PDXK: variants seen among roughly 807,000 people sequenced by gnomAD.
The protein encoded by PDXK is epididymis secretory sperm binding protein Li 1a.
A neutral mutation model predicts 43.2 loss-of-function variants in PDXK; 15 were observed. That is an observed-to-expected ratio of 0.35 (90% CI 0.23 to 0.53). PDXK has a LOEUF of 0.53. Ranked by LOEUF, PDXK falls within the 20% of genes least tolerant of loss-of-function variation. The pLI is 0.92. For synonymous variants in PDXK, 172 were observed against 165.4 expected (o/e 1.04, Z -0.31); for missense variants, 343 against 417.0 (o/e 0.82, Z 1.54).
intron 1 of PDXK, among the ~76,000 whole-genome samples, chr21:43,727,345 C>T (rs553023478): frequency 1.3e-4 from 20 of 151,110 alleles, no homozygotes; most frequent in East Asian, 7.9e-4. Flanking sequence ...TGCAATCAGC[C>T]GAGGAGGGGC....
intron 3 of PDXK, among the ~76,000 whole-genome samples, chr21:43,743,446 C>T (rs13048873): frequency 2.9e-5 from 2 of 68,538 alleles, no homozygotes; most frequent in Non-Finnish European, 5.9e-5. Context: ...GACACCTCGC[C>T]TGCACCCACC....
intron 1 of PDXK, among the ~76,000 whole-genome samples, chr21:43,720,242 G>T (rs1277381579): frequency 6.6e-6 from 1 of 152,192 alleles, no homozygotes; most frequent in Non-Finnish European, 1.5e-5. Context: ...AGGGCTGGGG[G>T]TGCCCTGCCG....
In PDXK at chr21:43,732,272, G is replaced by T. The variant is rs2083328630; in HGVS notation, c.88-1797G>T. On this transcript the variant is annotated intron_variant, in intron 1 of 10. Transcript: ENST00000291565. This position sits in a 1 kb window ranked among gnomAD's most constrained non-coding sequence, Gnocchi z 4.1. Reference sequence around the variant, plus strand: ...AGCTGAAGGACATGTGTAACAGCAGGAGATACCTTTCTCTGGGGTCCCAGG... The same window carrying T: ...AGCTGAAGGACATGTGTAACAGCAGTAGATACCTTTCTCTGGGGTCCCAGG... The T allele has an allele frequency of 2.0e-6, 3 of 1,534,464 alleles. No individual in the cohort carries two copies. Among genetic ancestry groups the T allele is most frequent in the Non-Finnish European group, 2.6e-6 (3 of 1,143,814 alleles).
intron 2 of PDXK, among the ~76,000 whole-genome samples, chr21:43,739,965 C>A (rs2083465986): frequency 6.6e-6 from 1 of 151,840 alleles, no homozygotes; most frequent in African/African-American, 2.4e-5. Flanking sequence ...GGGCAGGCTG[C>A]TGTGTGAGGC....
intron 1 of PDXK, among the ~76,000 whole-genome samples, chr21:43,725,108 G>T (rs2083240621): frequency 6.6e-6 from 1 of 152,144 alleles, no homozygotes; most frequent in Non-Finnish European, 1.5e-5. Flanking sequence ...CGGATCACAA[G>T]ATCAGGAGAT....
intron 1 of PDXK, chr21:43,733,853 C>A: frequency 1.5e-6 from 1 of 661,614 alleles, no homozygotes; most frequent in Non-Finnish European, 2.5e-6. Flanking sequence ...GAGAGGGAAG[C>A]CCAGCTCCAG....
chr21:43,737,119 G>A lies in PDXK; in HGVS notation c.142+2996G>A. The A allele has an allele frequency of 8.9e-7, 1 of 1,120,410 alleles. No individual in the cohort carries two copies. The highest frequency in any genetic ancestry group is 1.3e-6 in the Non-Finnish European group (1 of 771,696). 69.4% of individuals were successfully genotyped at this position (1,120,410 alleles called of 1,614,324 possible). On this transcript the variant is annotated intron_variant, in intron 2 of 10. Coordinates refer to ENST00000291565, the MANE Select transcript of PDXK (RefSeq NM_003681.5). This position sits in a 1 kb window ranked among gnomAD's most constrained non-coding sequence, Gnocchi z 4.8. ...ACCTCCTGCCCAGGGTTGTTACTGGGGTGGTCACGTGGGCAGCTTCTGCCT... is the reference window on the plus strand; with the variant it reads ...ACCTCCTGCCCAGGGTTGTTACTGGAGTGGTCACGTGGGCAGCTTCTGCCT...
At chr21:43,719,959 AG>A in intron 1 of PDXK, 2 of 976,084 alleles carry the variant, frequency 2.0e-6, no homozygotes, top group Non-Finnish European at 2.4e-6. Context: ...CGAAGGGAAG[AG>A]GGTGGGGCAG....
At chr21:43,752,686 C>A in intron 8 of PDXK, 57 bp downstream of exon 8, 1 of 1,065,016 alleles carries the variant, frequency 9.4e-7, no homozygotes, top group South Asian at 1.3e-5. Flanking sequence ...GGAAGGTGTT[C>A]TTTGGGGCTG....
chr21:43,747,726 G>A lies in PDXK; in HGVS notation c.379-1269G>A, dbSNP rs553310522. Among the ~76,000 whole-genome samples, 40 of 152,344 alleles carry A rather than the reference G, an allele frequency of 2.6e-4. 1 individual carries two copies. The South Asian group carries it at 6.2e-3, about 24-fold the overall frequency. On this transcript the variant is annotated intron_variant, in intron 5 of 10. Coordinates refer to ENST00000291565, the MANE Select transcript of PDXK (RefSeq NM_003681.5). Reference sequence around the variant, plus strand: ...TTGGGGCCACTGTCCAGTTCAGTGCGGCTACGGGATCTGGCCCCTCGATTT... The same window carrying A: ...TTGGGGCCACTGTCCAGTTCAGTGCAGCTACGGGATCTGGCCCCTCGATTT...
chr21:43,720,374 T>G (rs1297127468), intron 1 of PDXK, among the ~76,000 whole-genome samples: 2 of 152,054 alleles, frequency 1.3e-5, no homozygotes, highest in African/African-American at 4.8e-5. Flanking sequence ...CGGCGGGGCC[T>G]GCGGTGCGGG....
rs2083185348 is a variant in PDXK, at chr21:43,719,160, C to T, written c.-135C>T. On this transcript the variant is annotated 5_prime_UTR_variant, in exon 1 of 11. Transcript: ENST00000291565. ...AGGAGGCGTCTGCGCTGATCGGGTC[C>T]GCCGCGCGCCAGAGCCAGAGTCGCA... 8.2e-6 allele frequency: 3 copies of T among 367,778 alleles called. No homozygotes were observed. The highest frequency in any genetic ancestry group is 1.2e-4 in the South Asian group (1 of 8,604). 22.8% of individuals were successfully genotyped at this position (367,778 alleles called of 1,614,324 possible).
intron 6 of PDXK, 76 bp from the exon 7 acceptor site, chr21:43,750,424 T>G: frequency 2.3e-6 from 3 of 1,315,556 alleles, no homozygotes; most frequent in African/African-American, 1.5e-5. Flanking sequence ...CCGCTGCGGT[T>G]TGGGGAATGT....
In PDXK at chr21:43,737,496, A is replaced by G; in HGVS notation, c.142+3373A>G. On this transcript the variant is annotated intron_variant, in intron 2 of 10. Coordinates refer to ENST00000291565, the MANE Select transcript of PDXK (RefSeq NM_003681.5). The surrounding 1 kb of genome is among the most constrained non-coding windows in gnomAD (Gnocchi z 4.8). The stretch of plus-strand genomic sequence containing the variant: ...GCTTCCCGGACTGAGGGCACTGGGA[A>G]GGAGCCTGCGGAGCTGGAGGTCAGC... The G allele has an allele frequency of 3.8e-6, 4 of 1,043,374 alleles. No individual in the cohort carries two copies. Among genetic ancestry groups the G allele is most frequent in the Non-Finnish European group, 4.6e-6 (4 of 863,554 alleles). 64.6% of individuals were successfully genotyped at this position (1,043,374 alleles called of 1,614,324 possible).
chr21:43,746,912 G>A (rs2083648560), intron 5 of PDXK, among the ~76,000 whole-genome samples: 1 of 152,104 alleles, frequency 6.6e-6, no homozygotes, highest in Non-Finnish European at 1.5e-5. Context: ...GCGGGTGGCT[G>A]GCTTGAGCCC....
intron 4 of PDXK, chr21:43,744,738 C>T (rs2083606595): frequency 6.6e-6 from 1 of 152,266 alleles, no homozygotes; most frequent in Non-Finnish European, 1.5e-5. Context: ...ACACCATCAC[C>T]ATGTGACCCA....
intron 1 of PDXK, chr21:43,719,632 G>A: frequency 1.0e-6 from 1 of 985,396 alleles, no homozygotes; most frequent in Middle Eastern, 5.2e-4. Context: ...CGGGTAGGAG[G>A]GAGCCCTGTG....
chr21:43,733,253 ACCCC>A (rs1226314950), intron 1 of PDXK, among the ~76,000 whole-genome samples: 1 of 56,194 alleles, frequency 1.8e-5, no homozygotes, highest in South Asian at 1.1e-3. Flanking sequence ...CCCCATCCCC[ACCCC>A]CCCCCCCGCC....
At position 43,729,562 on chromosome 21, in the gene PDXK, G is replaced by A. The variant is rs573113582; in HGVS notation, c.88-4507G>A. Reference sequence around the variant, plus strand: ...GGAGTCTGAGCTGCATCCTGTGGGCGCAGCAGACGCTCAAGGGCTGGGTTT... The same window carrying A: ...GGAGTCTGAGCTGCATCCTGTGGGCACAGCAGACGCTCAAGGGCTGGGTTT... On this transcript the variant is annotated intron_variant, in intron 1 of 10. Coordinates refer to ENST00000291565, the MANE Select transcript of PDXK (RefSeq NM_003681.5). Among the ~76,000 whole-genome samples the A allele has an allele frequency of 2.3e-4, 35 of 152,292 alleles. No individual in the cohort carries two copies. In the South Asian group the frequency reaches 6.6e-3, roughly 29 times the overall value.
Sources: gnomAD v4.1 joint callset for allele counts (sites outside exome capture counted in the v4.1 genomes callset) on GRCh38, gnomAD v4.1.1 for gene constraint, Gnocchi (gnomAD v3.1) non-coding constraint, MANE v1.5 for transcripts, NCBI Gene and HGNC (gene_info 2026-07-23, HGNC 2026-07-21) for gene names.